CEP112: variants seen among roughly 807,000 people sequenced by gnomAD.
CEP112 encodes centrosomal protein of 112 kDa.
Under a neutral mutation model 153.0 loss-of-function variants are expected in CEP112, and 127 were observed. The observed-to-expected ratio is 0.83, with a 90% CI of 0.72 to 0.96. CEP112 has a LOEUF of 0.96. CEP112 is among the 40% of genes least tolerant of loss of function. The pLI, the probability that CEP112 is intolerant of heterozygous loss-of-function variation, is 0.00. For synonymous variants in CEP112, 358 were observed against 374.4 expected, an observed-to-expected ratio of 0.96 and a Z score of 0.51; for missense variants, 1,089 against 1,101.2, an observed-to-expected ratio of 0.99 and a Z score of 0.16.
intron 20 of CEP112, among the ~76,000 whole-genome samples, chr17:65,858,183 C>A (rs2058189555): frequency 6.6e-6 from 1 of 151,992 alleles, no homozygotes; most frequent in East Asian, 1.9e-4. Context: ...CTTCTTGTAC[C>A]AGTCATCTTT....
At chr17:66,129,280 A>G (rs1432545757) in intron 6 of CEP112, among the ~76,000 whole-genome samples, 1 of 152,006 alleles carries the variant, frequency 6.6e-6, no homozygotes, top group Non-Finnish European at 1.5e-5. Flanking sequence ...TCTGCCTCCA[A>G]TTCCCACCTC....
intron 19 of CEP112, among the ~76,000 whole-genome samples, chr17:65,919,892 G>T (rs562959334): frequency 2.0e-5 from 3 of 152,218 alleles, no homozygotes; most frequent in East Asian, 1.9e-4. Context: ...GGAACTCCGC[G>T]GGAGTGCATT....
intron 21 of CEP112, among the ~76,000 whole-genome samples, chr17:65,845,156 C>T (rs1450120671): frequency 1.3e-5 from 2 of 151,828 alleles, no homozygotes; most frequent in South Asian, 4.2e-4. Flanking sequence ...TGCGTCTGTA[C>T]TAAAATATAA....
intron 17 of CEP112, among the ~76,000 whole-genome samples, chr17:65,982,115 A>T (rs190808546): frequency 1.1e-4 from 16 of 152,276 alleles, no homozygotes; most frequent in Middle Eastern, 3.4e-3. Context: ...TATGGAGTAT[A>T]TGGAATATTT....
intron 21 of CEP112, among the ~76,000 whole-genome samples, chr17:65,844,741 C>T (rs1968142): frequency 0.97 from 146,759 of 151,508 alleles, 71,175 homozygotes; most frequent in East Asian, 1. Context: ...TCTGGCTGGG[C>T]GTGGTGGCTC....
intron 17 of CEP112, among the ~76,000 whole-genome samples, chr17:65,970,973 C>G (rs1293856397): frequency 6.6e-6 from 1 of 150,776 alleles, no homozygotes; most frequent in East Asian, 1.9e-4. Flanking sequence ...GTTGGCCAGG[C>G]TGATTTTAAA....
intron 21 of CEP112, among the ~76,000 whole-genome samples, chr17:65,803,493 A>G (rs904267742): frequency 2.0e-5 from 3 of 152,258 alleles, no homozygotes; most frequent in Admixed American, 6.5e-5. Flanking sequence ...TCTCAAATTT[A>G]TATCAAAAAG....
At chr17:66,136,457 C>CA (rs1348348899) in intron 4 of CEP112, among the ~76,000 whole-genome samples, 6 of 151,870 alleles carry the variant, frequency 4.0e-5, no homozygotes. Context: ...AGTAAACACT[C>CA]ACGGCCAGAG....
chr17:65,934,764 A>C (rs1043817142), intron 18 of CEP112, among the ~76,000 whole-genome samples: 1 of 152,262 alleles, frequency 6.6e-6, no homozygotes, highest in Non-Finnish European at 1.5e-5. Flanking sequence ...AATAGAGTAC[A>C]TTAGTCCATT....
chr17:65,975,366 G>A (rs1223096806), intron 17 of CEP112, among the ~76,000 whole-genome samples: 1 of 152,132 alleles, frequency 6.6e-6, no homozygotes, highest in African/African-American at 2.4e-5. Context: ...TATATATTTA[G>A]AGAGATATAG....
Position 66,068,527 on chromosome 17 carries a change from C to T in CEP112, c.855+1388G>A, listed in dbSNP as rs149139672. On this transcript the variant is annotated intron_variant, in intron 9 of 26. Transcript: ENST00000535342. ...AATAGGTAAAACACTCTAAATTTTA[C>T]GCCTTGCCAATTCCTGATGCTTAGA... is the stretch of plus-strand genomic sequence containing the variant. Among the ~76,000 whole-genome samples the T allele has an allele frequency of 4.7e-4, 72 of 152,294 alleles. 1 individual carries two copies. In the East Asian group the frequency reaches 9.4e-3, roughly 20 times the overall value.
chr17:65,806,670 C>T (rs1227968182), intron 21 of CEP112, among the ~76,000 whole-genome samples: 1 of 152,144 alleles, frequency 6.6e-6, no homozygotes, highest in Non-Finnish European at 1.5e-5. Context: ...TGGCACTTCC[C>T]CCTTCTCTCT....
intron 6 of CEP112, among the ~76,000 whole-genome samples, chr17:66,126,418 TA>T (rs2069853467): frequency 6.6e-6 from 1 of 152,096 alleles, no homozygotes; most frequent in Non-Finnish European, 1.5e-5. Flanking sequence ...CACGAGTCAC[TA>T]AAGGGAGAAT....
intron 17 of CEP112, among the ~76,000 whole-genome samples, chr17:65,965,516 C>T (rs1158544837): frequency 8.9e-6 from 1 of 112,032 alleles, no homozygotes; most frequent in African/African-American, 3.0e-5. Flanking sequence ...ACCTTCTGCC[C>T]CCTTTTTTTT....
intron 24 of CEP112, among the ~76,000 whole-genome samples, chr17:65,667,492 T>C (rs778599551): frequency 1.1e-4 from 17 of 152,080 alleles, no homozygotes; most frequent in Non-Finnish European, 1.6e-4. Context: ...CAAAAAAATA[T>C]ATATTATTTT....
At chr17:65,725,025 C>T (rs2050098359) in intron 23 of CEP112, among the ~76,000 whole-genome samples, 1 of 152,168 alleles carries the variant, frequency 6.6e-6, no homozygotes, top group Non-Finnish European at 1.5e-5. Context: ...ATGATCTCAT[C>T]TAATTGTTAG....
intron 21 of CEP112, among the ~76,000 whole-genome samples, chr17:65,809,149 G>A (rs1360708899): frequency 6.6e-6 from 1 of 152,096 alleles, no homozygotes; most frequent in Non-Finnish European, 1.5e-5. Flanking sequence ...ATCTGAGGGG[G>A]GAAATCCAGA....
At chr17:65,750,542 C>A (rs1034279561) in intron 22 of CEP112, 120 bp downstream of exon 22, 2 of 737,538 alleles carry the variant, frequency 2.7e-6, no homozygotes, top group Non-Finnish European at 4.7e-6. Flanking sequence ...AAATATGATA[C>A]CATTCCACAA....
chr17:66,155,550 G>A (rs1018142677), intron 4 of CEP112, among the ~76,000 whole-genome samples: 10 of 151,380 alleles, frequency 6.6e-5, no homozygotes, highest in East Asian at 2.0e-4. Flanking sequence ...AGACAGAACC[G>A]TTCACTCCCC....
Sources: allele counts gnomAD v4.1 joint callset (sites outside exome capture counted in the v4.1 genomes callset), GRCh38; gene constraint gnomAD v4.1.1; transcripts MANE v1.5; gene names NCBI Gene and HGNC (gene_info 2026-07-23, HGNC 2026-07-21).